AVEN: variants seen among roughly 807,000 people sequenced by gnomAD.
AVEN encodes cell death regulator Aven.
A neutral mutation model predicts 38.1 loss-of-function variants in AVEN; 41 were observed. The ratio of observed to expected loss-of-function variants is 1.08; its 90% CI spans 0.84 to 1.40. The LOEUF is 1.40. AVEN is among the 40% of genes most tolerant of loss of function. The probability of loss-of-function intolerance (pLI) is 0.00; values close to 1 mark genes in which losing one functional copy is unlikely to be tolerated. For synonymous variants in AVEN, 206 were observed against 171.8 expected, an observed-to-expected ratio of 1.20 and a Z score of -1.56; for missense variants, 605 against 438.8, an observed-to-expected ratio of 1.38 and a Z score of -3.38.
At chr15:33,855,421 C>G (rs2079550367), downstream of AVEN, among the ~76,000 whole-genome samples, 1 of 152,202 alleles carries the variant, frequency 6.6e-6, no homozygotes, top group African/African-American at 2.4e-5. Context: ...CCAGGCTGGT[C>G]TCAAACGCCT....
chr15:33,874,997 G>A (rs1891159104), intron 3 of AVEN, among the ~76,000 whole-genome samples: 1 of 152,112 alleles, frequency 6.6e-6, no homozygotes, highest in African/African-American at 2.4e-5. Context: ...TTTTTCTATG[G>A]CATATATAAC....
rs1417482856 is a variant in AVEN, at chr15:33,867,767, C to A, written c.701G>T (p.Gly234Val). The change falls in exon 5 of 6, where the codon GGG becomes GTG. Residue 234 changes from glycine (G) to valine (V), a missense_variant. Transcript: ENST00000306730. ...AAAGATGGGCCCCCTTCCTCCAGGC[C>A]CCAAGGGCCCCTTTAACTGCATCCC... ...GLGMQLKGPL[G>V]PGGRGPIFEL... 8 of 1,614,028 alleles carry A rather than the reference C, an allele frequency of 5.0e-6. No individual in the cohort carries two copies. The highest frequency in any genetic ancestry group is 6.8e-6 in the Non-Finnish European group (8 of 1,180,028).
chr15:34,005,769 A>G (rs983744358), intron 1 of AVEN, among the ~76,000 whole-genome samples: 1 of 152,210 alleles, frequency 6.6e-6, no homozygotes, highest in Non-Finnish European at 1.5e-5. Context: ...CCTCACCTGA[A>G]TCAACTTTCA....
intron 1 of AVEN, 122 bp downstream of exon 1, chr15:34,038,658 G>T: frequency 1.0e-6 from 1 of 960,682 alleles, no homozygotes; most frequent in Non-Finnish European, 1.3e-6. Flanking sequence ...CCGCGCAGGC[G>T]CCGGCGCCGC....
chr15:33,899,423 AT>A (rs1182124855), intron 2 of AVEN, among the ~76,000 whole-genome samples: 1 of 134,738 alleles, frequency 7.4e-6, no homozygotes, highest in Non-Finnish European at 1.6e-5. Context: ...TGCAACATTG[AT>A]TCAAAGTGTT....
chr15:33,857,203 C>T (rs549356412), downstream of AVEN, among the ~76,000 whole-genome samples: 5 of 150,882 alleles, frequency 3.3e-5, no homozygotes, highest in South Asian at 2.1e-4. Context: ...AATGTCTTTT[C>T]GACAGTTCTG....
intron 2 of AVEN, among the ~76,000 whole-genome samples, chr15:33,999,277 A>G (rs923337626): frequency 2.6e-5 from 4 of 152,188 alleles, no homozygotes; most frequent in African/African-American, 9.7e-5. Context: ...CCAACTCTCT[A>G]TGACTCCCTT....
intron 1 of AVEN, among the ~76,000 whole-genome samples, chr15:34,031,360 C>T (rs369109511): frequency 7.2e-5 from 11 of 151,786 alleles, no homozygotes; most frequent in East Asian, 1.9e-4. Context: ...TTTCTAATAG[C>T]GACAGGGTTT....
intron 2 of AVEN, among the ~76,000 whole-genome samples, chr15:33,998,816 T>C (rs1567457844): frequency 6.6e-6 from 1 of 152,208 alleles, no homozygotes; most frequent in Non-Finnish European, 1.5e-5. Flanking sequence ...TGCTGGTCTC[T>C]TCTCTTTCCC....
chr15:33,900,364 G>A (rs979569932), intron 2 of AVEN, among the ~76,000 whole-genome samples: 22 of 151,404 alleles, frequency 1.5e-4, no homozygotes, highest in Non-Finnish European at 2.4e-4. Flanking sequence ...CTGGAGTGCA[G>A]TGGCATGATC....
chr15:34,028,516 C>G (rs2243764), intron 1 of AVEN, among the ~76,000 whole-genome samples: 151,168 of 152,344 alleles, frequency 0.99, 75,013 homozygotes, highest in Middle Eastern at 1. Context: ...GGTGAGCTAT[C>G]ATCATGCCAT....
At chr15:33,904,937 C>A (rs1175620824) in intron 2 of AVEN, among the ~76,000 whole-genome samples, 1 of 151,512 alleles carries the variant, frequency 6.6e-6, no homozygotes. Context: ...TGAGATCAGC[C>A]TGGCCAACAC....
chr15:33,871,031 C>CTATA lies in AVEN; in HGVS notation c.517-5_517-2dup, dbSNP rs746931251. 10 of 1,493,510 alleles carry CTATA rather than the reference C, an allele frequency of 6.7e-6. No individual in the cohort carries two copies. Among genetic ancestry groups the CTATA allele is most frequent in the South Asian group, 5.4e-5 (4 of 73,676 alleles). 92.5% of individuals were successfully genotyped at this position (1,493,510 alleles called of 1,614,324 possible). On this transcript the variant is annotated splice_acceptor_variant, in intron 3 of 5. Transcript: ENST00000306730. LOFTEE classifies it high-confidence loss of function. ...CACTATCCACATAAAATGCTGAATT[C>CTATA]TATATATATATATAAAAGAAAATAA... is the stretch of plus-strand genomic sequence containing the variant.
chr15:34,064,359 C>T (rs1346596494), intron 4 of AVEN: 4 of 1,560,292 alleles, frequency 2.6e-6, no homozygotes, highest in Admixed American at 2.0e-5. Flanking sequence ...CCACAGTCAA[C>T]ATCCTCTGAG....
chr15:34,059,891 T>A (rs146709979), intron 5 of AVEN, among the ~76,000 whole-genome samples: 16 of 152,308 alleles, frequency 1.1e-4, no homozygotes, highest in African/African-American at 3.6e-4. Flanking sequence ...CCAACTAGTG[T>A]CTAAAGAGCA....
intron 2 of AVEN, among the ~76,000 whole-genome samples, chr15:33,956,623 G>A (rs2094383592): frequency 6.6e-6 from 1 of 152,006 alleles, no homozygotes; most frequent in South Asian, 2.1e-4. Flanking sequence ...TTTATCTTTT[G>A]GCCTTGGTTA....
rs138345986 is a variant in AVEN, at chr15:33,867,297, T to C, written c.973+198A>G. 6.6e-3 allele frequency among the ~76,000 whole-genome samples: 1,010 copies of C among 152,194 alleles called. 12 individuals are homozygous for C. Among genetic ancestry groups the C allele is most frequent in the African/African-American group, 0.023 (971 of 41,500 alleles). The stretch of plus-strand genomic sequence containing the variant: ...GCAGGTAGCAGCTTTGGAAGCTTGG[T>C]GTGTCGCGTGAGAGGAAGGTTGTCA... On this transcript the variant is annotated intron_variant, in intron 5 of 5. Transcript: ENST00000306730.
intron 2 of AVEN, among the ~76,000 whole-genome samples, chr15:33,929,924 C>T (rs753971345): frequency 6.6e-6 from 1 of 152,110 alleles, no homozygotes; most frequent in Non-Finnish European, 1.5e-5. Flanking sequence ...CTATGATAAC[C>T]GGCTGATGAA....
rs1891113189 is a variant in AVEN at position 33,873,925 on chromosome 15, CCT to C, written c.516+1998_516+1999del. ...ACTCAAGTCTTGTCTATGAGTAACCCCTGTCCCACGCTCACTGCCTGACCCTC... is the reference window on the plus strand; with the variant it reads ...ACTCAAGTCTTGTCTATGAGTAACCCGTCCCACGCTCACTGCCTGACCCTC... On this transcript the variant is annotated intron_variant, in intron 3 of 5. Coordinates refer to ENST00000306730, the MANE Select transcript of AVEN (RefSeq NM_020371.3). 3.3e-5 allele frequency among the ~76,000 whole-genome samples: 5 copies of C among 151,682 alleles called. No individual in the cohort carries two copies. In the South Asian group the frequency reaches 1.0e-3, roughly 32 times the overall value.
Sources: allele counts gnomAD v4.1 joint callset (sites outside exome capture counted in the v4.1 genomes callset), GRCh38; gene constraint gnomAD v4.1.1; transcripts MANE v1.5; gene names NCBI Gene and HGNC (gene_info 2026-07-23, HGNC 2026-07-21).